Variants in CLSTN2 observed in about 807,000 individuals in gnomAD.
The protein encoded by CLSTN2 is calsyntenin 2.
In CLSTN2, 48 loss-of-function variants were observed where a neutral mutation model predicts 101.2. The ratio of observed to expected loss-of-function variants is 0.47; its 90% CI spans 0.38 to 0.60. CLSTN2 has a LOEUF of 0.60. Ranked by LOEUF, CLSTN2 falls within the 20% of genes least tolerant of loss-of-function variation. The pLI is 0.00. For missense variants in CLSTN2, 1,160 were observed against 1,238.2 expected (o/e 0.94, Z 0.95); for synonymous variants, 481 against 463.6 (o/e 1.04, Z -0.48).
At chr3:140,189,172 T>C (rs2010524887) in intron 2 of CLSTN2, among the ~76,000 whole-genome samples, 1 of 152,202 alleles carries the variant, frequency 6.6e-6, no homozygotes, top group Non-Finnish European at 1.5e-5. Context: ...AACCATTCCT[T>C]ATTACCCATT....
At chr3:140,438,859 G>A (rs915264462) in intron 5 of CLSTN2, among the ~76,000 whole-genome samples, 1 of 152,196 alleles carries the variant, frequency 6.6e-6, no homozygotes, top group African/African-American at 2.4e-5. Flanking sequence ...GTTTCTGTTT[G>A]GGAGCTGAGA....
At chr3:140,471,868 C>A in intron 8 of CLSTN2, among the ~76,000 whole-genome samples, 1 of 152,182 alleles carries the variant, frequency 6.6e-6, no homozygotes, top group East Asian at 1.9e-4. Context: ...AATATGTGCT[C>A]ATTTACAAAA....
intron 2 of CLSTN2, among the ~76,000 whole-genome samples, chr3:140,217,135 A>C (rs2010931057): frequency 6.6e-6 from 1 of 152,180 alleles, no homozygotes; most frequent in African/African-American, 2.4e-5. Context: ...GAGGATACAC[A>C]CGCCCAAATC....
chr3:140,562,717 A>G lies in CLSTN2; in HGVS notation c.2213-94A>G, dbSNP rs1483980626. On this transcript the variant is annotated intron_variant, in intron 13 of 16. Coordinates refer to ENST00000458420, the MANE Select transcript of CLSTN2 (RefSeq NM_022131.3). Reference sequence around the variant, plus strand: ...TACCCTCAACAAATTTACAAGACCCATGAGGTCTTGTACCACAAGCCCTGG... The same window carrying G: ...TACCCTCAACAAATTTACAAGACCCGTGAGGTCTTGTACCACAAGCCCTGG... 9 of 1,330,054 alleles carry G rather than the reference A, an allele frequency of 6.8e-6. No individual in the cohort carries two copies. In the East Asian group the frequency reaches 1.8e-4, roughly 27 times the overall value. The allele number at this position is 1,330,054 out of a possible 1,614,324, so 82.4% of individuals were successfully genotyped here. A position where few individuals can be genotyped will look rare whatever the true frequency, so the allele number is the denominator to read the frequency against.
intron 9 of CLSTN2, among the ~76,000 whole-genome samples, chr3:140,545,933 C>G (rs1163857612): frequency 6.6e-6 from 1 of 152,192 alleles, no homozygotes; most frequent in Admixed American, 6.5e-5. Flanking sequence ...AAAGCCAGAG[C>G]TCATAAATGC....
chr3:140,121,729 A>C (rs1304268086), intron 1 of CLSTN2, among the ~76,000 whole-genome samples: 1 of 152,182 alleles, frequency 6.6e-6, no homozygotes, highest in Non-Finnish European at 1.5e-5. Context: ...TGGAAGAAAA[A>C]GCATGAGGCT....
At chr3:140,463,279 A>G (rs1368951275) in intron 7 of CLSTN2, among the ~76,000 whole-genome samples, 4 of 152,224 alleles carry the variant, frequency 2.6e-5, no homozygotes. Flanking sequence ...ACTGAGAACA[A>G]TGAATGATCA....
chr3:140,254,118 A>G (rs1428804466), intron 2 of CLSTN2, among the ~76,000 whole-genome samples: 1 of 152,190 alleles, frequency 6.6e-6, no homozygotes, highest in Non-Finnish European at 1.5e-5. Context: ...ATATTTGCAG[A>G]CTTCTCATGT....
chr3:140,149,722 G>T (rs886601768), intron 1 of CLSTN2, among the ~76,000 whole-genome samples: 1 of 152,142 alleles, frequency 6.6e-6, no homozygotes, highest in African/African-American at 2.4e-5. Context: ...CTTCCAAAGT[G>T]CTGGGATTAC....
chr3:140,359,993 T>TACACACACACAC (rs55746611), intron 2 of CLSTN2, among the ~76,000 whole-genome samples: 7 of 145,974 alleles, frequency 4.8e-5, no homozygotes, highest in African/African-American at 1.8e-4. Context: ...ACATATTTTA[T>TACACACACACAC]ACACACACAC....
chr3:139,972,727 T>C (rs1213797024), intron 1 of CLSTN2, among the ~76,000 whole-genome samples: 1 of 152,100 alleles, frequency 6.6e-6, no homozygotes. Context: ...GGATTCATGA[T>C]GAAGAATGCA....
intron 7 of CLSTN2, chr3:140,460,262 G>A (rs566560323): frequency 6.1e-6 from 1 of 164,030 alleles, no homozygotes; most frequent in African/African-American, 2.4e-5. Flanking sequence ...CATTCGATAG[G>A]CTTTTCAGCA....
intron 8 of CLSTN2, among the ~76,000 whole-genome samples, chr3:140,467,448 C>G (rs1377504881): frequency 6.6e-6 from 1 of 152,148 alleles, no homozygotes; most frequent in African/African-American, 2.4e-5. Flanking sequence ...GGACCAGGCG[C>G]TAATTGTTCA....
chr3:140,381,794 A>G (rs931540068), intron 2 of CLSTN2, among the ~76,000 whole-genome samples: 1 of 152,242 alleles, frequency 6.6e-6, no homozygotes, highest in African/African-American at 2.4e-5. Context: ...AGTTTGCTGA[A>G]CTGAACAATT....
intron 1 of CLSTN2, among the ~76,000 whole-genome samples, chr3:140,105,693 G>A (rs2009045255): frequency 6.6e-6 from 1 of 152,142 alleles, no homozygotes; most frequent in East Asian, 1.9e-4. Flanking sequence ...CGGCACCATG[G>A]GCCCCAGCTT....
intron 5 of CLSTN2, among the ~76,000 whole-genome samples, chr3:140,423,976 C>G (rs1180929090): frequency 6.6e-6 from 1 of 152,204 alleles, no homozygotes; most frequent in Non-Finnish European, 1.5e-5. Flanking sequence ...CAGGTGTGCT[C>G]TCATGGCGAC....
At chr3:140,170,987 A>G (rs560155259) in intron 1 of CLSTN2, among the ~76,000 whole-genome samples, 1 of 152,326 alleles carries the variant, frequency 6.6e-6, no homozygotes, top group South Asian at 2.1e-4. Flanking sequence ...CCATTTAGAT[A>G]GGCACAATGA....
At chr3:140,049,144 T>C (rs115381088) in intron 1 of CLSTN2, among the ~76,000 whole-genome samples, 2,418 of 152,272 alleles carry the variant, frequency 0.016, 62 homozygotes, top group African/African-American at 0.053. Context: ...GGCATCTCCA[T>C]TGAGGATACA....
chr3:140,332,568 G>A lies in CLSTN2; in HGVS notation c.233-71061G>A, dbSNP rs6778531. The stretch of plus-strand genomic sequence containing the variant: ...GTACACTTGTCTGTAATGAGTGGAC[G>A]AGAAATGTTGTGAATATACTTAGTC... On this transcript the variant is annotated intron_variant, in intron 2 of 16. Coordinates refer to ENST00000458420, the MANE Select transcript of CLSTN2 (RefSeq NM_022131.3). Among the ~76,000 whole-genome samples the A allele has an allele frequency of 4.9e-3, 743 of 152,206 alleles. 12 individuals carry two copies. Among genetic ancestry groups the A allele is most frequent in the African/African-American group, 0.017 (701 of 41,516 alleles).
Sources: gnomAD v4.1 joint callset for allele counts (sites outside exome capture counted in the v4.1 genomes callset) on GRCh38, gnomAD v4.1.1 for gene constraint, MANE v1.5 for transcripts, NCBI Gene and HGNC (gene_info 2026-07-23, HGNC 2026-07-21) for gene names.